Variants in DPP6 observed in about 807,000 individuals in gnomAD.
DPP6 encodes dipeptidyl peptidase like 6, also known as A-type potassium channel modulatory protein DPP6.
Under a neutral mutation model 122.6 loss-of-function variants are expected in DPP6, and 69 were observed. That is an observed-to-expected ratio of 0.56 (90% CI 0.46 to 0.69). The LOEUF (loss-of-function observed/expected upper bound fraction) is 0.69. DPP6 is among the 30% of genes least tolerant of loss of function. The pLI is 0.00. For synonymous variants in DPP6, 418 were observed against 433.1 expected (o/e 0.97, Z 0.43); for missense variants, 928 against 1,116.9 (o/e 0.83, Z 2.41).
chr7:154,272,772 C>G (rs760479779), intron 1 of DPP6, among the ~76,000 whole-genome samples: 13 of 152,124 alleles, frequency 8.5e-5, no homozygotes, highest in Non-Finnish European at 1.9e-4. Flanking sequence ...GGACTGACTC[C>G]CAGCCCAGAG....
intron 10 of DPP6, 181 bp from the exon 11 acceptor site, chr7:154,793,896 CAG>C (rs968298197): frequency 2.1e-6 from 2 of 943,266 alleles, no homozygotes; most frequent in Non-Finnish European, 3.0e-6. Context: ...GGCGGCCCCT[CAG>C]AGTCCCGCGC....
At chr7:154,475,214 T>C in intron 3 of DPP6, 177 bp downstream of exon 3, 1 of 628,252 alleles carries the variant, frequency 1.6e-6, no homozygotes, top group Non-Finnish European at 2.9e-6. Context: ...GTGTATCTGG[T>C]AAAATCAGGC....
At chr7:154,072,797 C>G (rs981177123) in intron 1 of DPP6, among the ~76,000 whole-genome samples, 2 of 152,256 alleles carry the variant, frequency 1.3e-5, no homozygotes, top group Admixed American at 6.5e-5. Flanking sequence ...GCTTGATGTC[C>G]CTGGTGGTTC....
chr7:154,017,663 G>A (rs1798485666), intron 1 of DPP6, among the ~76,000 whole-genome samples: 1 of 148,710 alleles, frequency 6.7e-6, no homozygotes, highest in Non-Finnish European at 1.5e-5. Context: ...TGGCACCACT[G>A]CACTCCAGCC....
At chr7:154,431,747 C>A (rs892839147) in intron 1 of DPP6, among the ~76,000 whole-genome samples, 1 of 151,964 alleles carries the variant, frequency 6.6e-6, no homozygotes, top group Non-Finnish European at 1.5e-5. Context: ...GTTGGTCAGG[C>A]TGGTCTCAAA....
At chr7:154,520,414 G>A (rs2129955871) in intron 3 of DPP6, among the ~76,000 whole-genome samples, 1 of 152,348 alleles carries the variant, frequency 6.6e-6, no homozygotes, top group Non-Finnish European at 1.5e-5. Flanking sequence ...TCCCTTTCAG[G>A]ACTCTGCTTT....
intron 18 of DPP6, 70 bp downstream of exon 18, chr7:154,868,163 A>T (rs1584937486): frequency 6.5e-7 from 1 of 1,530,426 alleles, no homozygotes; most frequent in African/African-American, 1.4e-5. Flanking sequence ...CAGTGCAGTC[A>T]TCAGCAGCAG....
At chr7:154,663,980 G>A (rs1317948842) in intron 6 of DPP6, among the ~76,000 whole-genome samples, 169 of 95,264 alleles carry the variant, frequency 1.8e-3, no homozygotes, top group Middle Eastern at 6.0e-3. Context: ...TATTCATATA[G>A]TCATGATGAA....
intron 1 of DPP6, among the ~76,000 whole-genome samples, chr7:154,243,210 C>A (rs1210276317): frequency 1.3e-5 from 2 of 151,930 alleles, no homozygotes; most frequent in African/African-American, 2.4e-5. Flanking sequence ...TCTATAGTAT[C>A]CAGAATAAAA....
At chr7:154,828,730 TCTGAC>T (rs1380062618) in intron 16 of DPP6, among the ~76,000 whole-genome samples, 5 of 152,204 alleles carry the variant, frequency 3.3e-5, no homozygotes, top group African/African-American at 1.2e-4. Context: ...TCCCCTGGGC[TCTGAC>T]CCATGCAGAT....
At chr7:153,971,112 A>G (rs923637367) in intron 1 of DPP6, among the ~76,000 whole-genome samples, 9 of 152,048 alleles carry the variant, frequency 5.9e-5, no homozygotes, top group Admixed American at 5.9e-4. Flanking sequence ...TTGCGTGTAG[A>G]TCTCTTTATT....
At chr7:154,463,737 T>C (rs1355207896) in intron 2 of DPP6, among the ~76,000 whole-genome samples, 1 of 149,898 alleles carries the variant, frequency 6.7e-6, no homozygotes, top group Non-Finnish European at 1.5e-5. Flanking sequence ...AGGGTATGTT[T>C]AGAAATGTCA....
chr7:154,160,032 C>A (rs1421887952), intron 1 of DPP6, among the ~76,000 whole-genome samples: 12 of 152,152 alleles, frequency 7.9e-5, no homozygotes, highest in African/African-American at 2.9e-4. Context: ...TCCCTTGATC[C>A]CAGCAGGGTC....
At chr7:154,104,502 T>G (rs1359007165) in intron 1 of DPP6, among the ~76,000 whole-genome samples, 2 of 152,256 alleles carry the variant, frequency 1.3e-5, no homozygotes, top group Non-Finnish European at 2.9e-5. Flanking sequence ...TAACAAGGCA[T>G]GGCATTCGTA....
At chr7:153,792,445 G>A in the DPP6 span, among the ~76,000 whole-genome samples, 64,068 of 150,174 alleles carry the variant, frequency 0.43, 12,909 homozygotes, top group South Asian at 0.51. Context: ...TATTTCTTAA[G>A]TGCTTAGGGA....
intron 1 of DPP6, among the ~76,000 whole-genome samples, chr7:154,330,534 A>T (rs145827537): frequency 6.6e-6 from 1 of 152,224 alleles, no homozygotes; most frequent in South Asian, 2.1e-4. Flanking sequence ...GGGCAGTTTG[A>T]CAAAGAGCAG....
chr7:153,951,591 G>A (rs1203831013), intron 1 of DPP6, among the ~76,000 whole-genome samples: 1 of 152,194 alleles, frequency 6.6e-6, no homozygotes, highest in Non-Finnish European at 1.5e-5. Context: ...TGCTGGATGT[G>A]CAAATAACTG....
At chr7:153,880,331 C>T in the DPP6 span, among the ~76,000 whole-genome samples, 1 of 152,190 alleles carries the variant, frequency 6.6e-6, no homozygotes, top group Non-Finnish European at 1.5e-5. Context: ...AAAGTAATTT[C>T]ACATTGTTCA....
At chr7:154,796,618 C>G (rs1249182984) in intron 12 of DPP6, among the ~76,000 whole-genome samples, 1 of 152,164 alleles carries the variant, frequency 6.6e-6, no homozygotes, top group Non-Finnish European at 1.5e-5. Context: ...TGAAAATTGT[C>G]TTAAAGACTC....
Sources: allele counts gnomAD v4.1 joint callset (sites outside exome capture counted in the v4.1 genomes callset), GRCh38; gene constraint gnomAD v4.1.1; transcripts MANE v1.5; gene names NCBI Gene and HGNC (gene_info 2026-07-23, HGNC 2026-07-21).